The following CDKN2B variants were observed in gnomAD, a reference collection of about 807,000 sequenced individuals.
The protein encoded by CDKN2B is cyclin dependent kinase inhibitor 2B, also known as cyclin-dependent kinase 4 inhibitor B.
In CDKN2B, 8 loss-of-function variants were observed where a neutral mutation model predicts 7.7. That is an observed-to-expected ratio of 1.04 (90% CI 0.61 to 1.87). The LOEUF (loss-of-function observed/expected upper bound fraction) is 1.87. Ranked by LOEUF, CDKN2B falls within the 40% of genes most tolerant of loss-of-function variation. The pLI, the probability that CDKN2B is intolerant of heterozygous loss-of-function variation, is 0.00. For synonymous variants in CDKN2B, 93 were observed against 95.8 expected (o/e 0.97, Z 0.17); for missense variants, 244 against 213.1 (o/e 1.15, Z -0.90).
Position 22,005,566 on chromosome 9 carries a change from C to T in CDKN2B, c.*421G>A. On this transcript the variant is annotated 3_prime_UTR_variant, in exon 2 of 2. Coordinates refer to ENST00000276925, the MANE Select transcript of CDKN2B (RefSeq NM_004936.4). The surrounding 1 kb of genome is among the most constrained non-coding windows in gnomAD (Gnocchi z 4.9). ...TCCTCAGCAGACATTGGAGTGAACG[C>T]ATCGACTGCCGTCACCCAAGTGCTA... 1 of 396,670 alleles carries T rather than the reference C, an allele frequency of 2.5e-6. No homozygotes were observed. 24.6% of individuals were successfully genotyped at this position (396,670 alleles called of 1,614,324 possible). A position where few individuals can be genotyped will look rare whatever the true frequency, so the allele number is the denominator to read the frequency against.
At position 22,005,107 on chromosome 9, in the gene CDKN2B, C is replaced by T. The variant is rs796372483; in HGVS notation, c.*880G>A. 132 of 200,082 alleles carry T rather than the reference C, an allele frequency of 6.6e-4. No homozygotes were observed. Among genetic ancestry groups the T allele is most frequent in the African/African-American group, 3.4e-3 (118 of 34,252 alleles). 12.4% of individuals were successfully genotyped at this position (200,082 alleles called of 1,614,324 possible). On this transcript the variant is annotated 3_prime_UTR_variant, in exon 2 of 2. Coordinates refer to ENST00000276925, the MANE Select transcript of CDKN2B (RefSeq NM_004936.4). This position sits in a 1 kb window ranked among gnomAD's most constrained non-coding sequence, Gnocchi z 4.9. Reference sequence around the variant, plus strand: ...CAAGTCATAAGGGGATTTCCGCATCCTAGCATGTGTGTGTGTGTGTGTGTG... The same window carrying T: ...CAAGTCATAAGGGGATTTCCGCATCTTAGCATGTGTGTGTGTGTGTGTGTG...
chr9:22,009,228 C>T lies in CDKN2B; in HGVS notation c.-275G>A, dbSNP rs966528213. Reference sequence around the variant, plus strand: ...GAAAAAGCGCCTAGCGCGGACGCAGCCGAGCTCAAAGCCGCTCTGGCCGCA... The same window carrying T: ...GAAAAAGCGCCTAGCGCGGACGCAGTCGAGCTCAAAGCCGCTCTGGCCGCA... On this transcript the variant is annotated 5_prime_UTR_variant, in exon 1 of 2. Transcript: ENST00000276925. The T allele has an allele frequency of 8.6e-6, 5 of 579,568 alleles. No individual in the cohort carries two copies. Among genetic ancestry groups the T allele is most frequent in the African/African-American group, 7.5e-5 (4 of 53,418 alleles). 35.9% of individuals were successfully genotyped at this position (579,568 alleles called of 1,614,324 possible).
chr9:22,006,259 A>T lies in CDKN2B; in HGVS notation c.157-12T>A. The T allele has an allele frequency of 6.2e-7, 1 of 1,602,934 alleles. No homozygotes were observed. The highest frequency in any genetic ancestry group is 8.5e-7 in the Non-Finnish European group (1 of 1,179,880). On this transcript the variant is annotated splice_polypyrimidine_tract_variant and intron_variant, in intron 1 of 1. Coordinates refer to ENST00000276925, the MANE Select transcript of CDKN2B (RefSeq NM_004936.4). This position sits in a 1 kb window ranked among gnomAD's most constrained non-coding sequence, Gnocchi z 6.4. ...CCCATCATCATGACCTGCCAGAGAGAGCAGAGTGGTCAGAGCCAGGGTGGG... is the reference window on the plus strand; with the variant it reads ...CCCATCATCATGACCTGCCAGAGAGTGCAGAGTGGTCAGAGCCAGGGTGGG...
chr9:22,008,923 C>A lies in CDKN2B; in HGVS notation c.31G>T (p.Gly11Trp). The A allele has an allele frequency of 1.2e-6, 2 of 1,612,980 alleles. No homozygotes were observed. The highest frequency in any genetic ancestry group is 1.7e-6 in the Non-Finnish European group (2 of 1,179,940). The change falls in exon 1 of 2, where the codon GGG becomes TGG. Residue 11 changes from glycine (G) to tryptophan (W), a missense_variant. Physicochemically the swap from Gly to Trp is radical, Grantham distance 184 (BLOSUM62 -2). Transcript: ENST00000276925. Reference sequence around the variant, plus strand: ...GCCAGACCCTCATCGCTGCCGCCCCCACTGGGCATGCCCTTGTTCTCCTCG... The same window carrying A: ...GCCAGACCCTCATCGCTGCCGCCCCAACTGGGCATGCCCTTGTTCTCCTCG... MREENKGMPS[G>W]GGSDEGLASA...
At position 22,008,936 on chromosome 9, in the gene CDKN2B, C is replaced by T. The variant is rs1361379009; in HGVS notation, c.18G>A (p.Lys6=). The T allele has an allele frequency of 6.2e-7, 1 of 1,613,026 alleles. No homozygotes were observed. Among genetic ancestry groups the T allele is most frequent in the African/African-American group, 1.3e-5 (1 of 75,070 alleles). The part of the protein sequence containing the change: MREEN[K]GMPSGGGSDE... ...CGCTGCCGCCCCCACTGGGCATGCCCTTGTTCTCCTCGCGCATTCCGCAGC... is the reference window on the plus strand; with the variant it reads ...CGCTGCCGCCCCCACTGGGCATGCCTTTGTTCTCCTCGCGCATTCCGCAGC... Residue 6 remains lysine (K), a synonymous_variant, in exon 1 of 2, where the codon AAG becomes AAA. Transcript: ENST00000276925.
chr9:22,006,364 G>T lies in CDKN2B; in HGVS notation c.157-117C>A. 1 of 1,376,358 alleles carries T rather than the reference G, an allele frequency of 7.3e-7. No individual in the cohort carries two copies. Among genetic ancestry groups the T allele is most frequent in the Non-Finnish European group, 1.0e-6 (1 of 1,001,122 alleles). 85.3% of individuals were successfully genotyped at this position (1,376,358 alleles called of 1,614,324 possible). A position where few individuals can be genotyped will look rare whatever the true frequency, so the allele number is the denominator to read the frequency against. ...CACCTAATTGCAAAGTTTTCACCCA[G>T]TGCAGAGGTGTTCAGGTCTCTGATG... is the stretch of plus-strand genomic sequence containing the variant. On this transcript the variant is annotated intron_variant, in intron 1 of 1. Coordinates refer to ENST00000276925, the MANE Select transcript of CDKN2B (RefSeq NM_004936.4). This position sits in a 1 kb window ranked among gnomAD's most constrained non-coding sequence, Gnocchi z 6.4.
In CDKN2B at chr9:22,006,223, C is replaced by G. The variant is rs752675430; in HGVS notation, c.181G>C (p.Val61Leu). ...IQVMMMGSAR[V>L]AELLLLHGAE... The stretch of plus-strand genomic sequence containing the variant: ...CCGTGGAGCAGCAGCAGCTCCGCCA[C>G]GCGGGCGCTGCCCATCATCATGACC... Residue 61 changes from valine to leucine, a missense_variant, in exon 2 of 2, where the codon GTG becomes CTG. Coordinates refer to ENST00000276925, the MANE Select transcript of CDKN2B (RefSeq NM_004936.4). This position sits in a 1 kb window ranked among gnomAD's most constrained non-coding sequence, Gnocchi z 6.4. 2 of 1,606,946 alleles carry G rather than the reference C, an allele frequency of 1.2e-6. No individual in the cohort carries two copies. The highest frequency in any genetic ancestry group is 4.5e-5 in the East Asian group (2 of 44,872).
At chr9:22,008,738 C>T (rs767817760) in intron 1 of CDKN2B, 60 bp downstream of exon 1, 1 of 1,610,794 alleles carries the variant, frequency 6.2e-7, no homozygotes, top group Admixed American at 1.7e-5. Flanking sequence ...CCCCGATCCG[C>T]CGAGGCCGCG....
rs1821062683 is a variant in CDKN2B, at chr9:22,004,304, A to G, written c.*1683T>C. On this transcript the variant is annotated 3_prime_UTR_variant, in exon 2 of 2. Transcript: ENST00000276925. Reference sequence around the variant, plus strand: ...TCCTTCTTATAAGTCTCCACTCTCAAATGACTTGTTTCTGTTCCTTTTTTC... The same window carrying G: ...TCCTTCTTATAAGTCTCCACTCTCAGATGACTTGTTTCTGTTCCTTTTTTC... 8.6e-6 allele frequency: 2 copies of G among 232,252 alleles called. No homozygotes were observed. Among genetic ancestry groups the G allele is most frequent in the African/African-American group, 4.4e-5 (2 of 45,310 alleles). The allele number at this position is 232,252 out of a possible 1,614,324, so 14.4% of individuals were successfully genotyped here. A position where few individuals can be genotyped will look rare whatever the true frequency, so the allele number is the denominator to read the frequency against.
In CDKN2B at chr9:22,005,113, T is replaced by TGG. The variant is rs1821101078; in HGVS notation, c.*873_*874insCC. The TGG allele has an allele frequency of 1.8e-5, 1 of 55,328 alleles. No individual in the cohort carries two copies. The highest frequency in any genetic ancestry group is 2.5e-4 in the African/African-American group (1 of 3,932). The allele number at this position is 55,328 out of a possible 1,614,324, so 3.4% of individuals were successfully genotyped here. A position where few individuals can be genotyped will look rare whatever the true frequency, so the allele number is the denominator to read the frequency against. Reference sequence around the variant, plus strand: ...ATAAGGGGATTTCCGCATCCTAGCATGTGTGTGTGTGTGTGTGTGTGTGTG... The same window carrying TGG: ...ATAAGGGGATTTCCGCATCCTAGCATGGGTGTGTGTGTGTGTGTGTGTGTGTG... On this transcript the variant is annotated 3_prime_UTR_variant, in exon 2 of 2. Transcript: ENST00000276925. The surrounding 1 kb of genome is among the most constrained non-coding windows in gnomAD (Gnocchi z 4.9).
At position 22,006,272 on chromosome 9, in the gene CDKN2B, G is replaced by T; in HGVS notation, c.157-25C>A. The T allele has an allele frequency of 6.2e-7, 1 of 1,601,108 alleles. No individual in the cohort carries two copies. Among genetic ancestry groups the T allele is most frequent in the Non-Finnish European group, 8.5e-7 (1 of 1,179,838 alleles). The stretch of plus-strand genomic sequence containing the variant: ...CCTGCCAGAGAGAGCAGAGTGGTCA[G>T]AGCCAGGGTGGGGGCAGGTATGGGA... On this transcript the variant is annotated intron_variant, in intron 1 of 1. Transcript: ENST00000276925. This position sits in a 1 kb window ranked among gnomAD's most constrained non-coding sequence, Gnocchi z 6.4.
chr9:22,007,265 G>C (rs887437809), intron 1 of CDKN2B, among the ~76,000 whole-genome samples: 2 of 152,186 alleles, frequency 1.3e-5, no homozygotes, highest in Non-Finnish European at 2.9e-5. Flanking sequence ...AGGAGGCTGA[G>C]GCAGGAGAAT....
rs946682347 is a variant in CDKN2B, at chr9:22,004,494, T to C, written c.*1493A>G. On this transcript the variant is annotated 3_prime_UTR_variant, in exon 2 of 2. Coordinates refer to ENST00000276925, the MANE Select transcript of CDKN2B (RefSeq NM_004936.4). ...AGAGAAGGGAACCCCTGTGAACCTT[T>C]AACATTTCTCAGGAGTTAGTGGTAA... 8.6e-6 allele frequency: 2 copies of C among 232,592 alleles called. No individual in the cohort carries two copies. Among genetic ancestry groups the C allele is most frequent in the African/African-American group, 4.4e-5 (2 of 45,338 alleles). 14.4% of individuals were successfully genotyped at this position (232,592 alleles called of 1,614,324 possible). A position where few individuals can be genotyped will look rare whatever the true frequency, so the allele number is the denominator to read the frequency against.
At chr9:22,007,362 A>AAAAT (rs1187656074) in intron 1 of CDKN2B, among the ~76,000 whole-genome samples, 1 of 152,132 alleles carries the variant, frequency 6.6e-6, no homozygotes, top group Non-Finnish European at 1.5e-5. Context: ...TCATCTCAAA[A>AAAAT]AAAATAAAAT....
Position 22,005,475 on chromosome 9 carries a change from A to G in CDKN2B, c.*512T>C. The G allele has an allele frequency of 3.8e-6, 1 of 261,842 alleles. No individual in the cohort carries two copies. The highest frequency in any genetic ancestry group is 5.5e-5 in the East Asian group (1 of 18,228). 16.2% of individuals were successfully genotyped at this position (261,842 alleles called of 1,614,324 possible). ...CTGAAGCCCACCTCGGCCCTCCTCC[A>G]CTTTGTCCTCAGTCTTCAGGTTTTC... On this transcript the variant is annotated 3_prime_UTR_variant, in exon 2 of 2. Coordinates refer to ENST00000276925, the MANE Select transcript of CDKN2B (RefSeq NM_004936.4). This position sits in a 1 kb window ranked among gnomAD's most constrained non-coding sequence, Gnocchi z 4.9.
Position 22,008,806 on chromosome 9 carries a change from C to G in CDKN2B, c.148G>C (p.Ala50Pro). 1 of 1,604,776 alleles carries G rather than the reference C, an allele frequency of 6.2e-7. No homozygotes were observed. The highest frequency in any genetic ancestry group is 1.1e-5 in the South Asian group (1 of 90,444). ...PNGVNRFGRRAIQVMMMGSAR... is the reference protein window; with the variant it reads ...PNGVNRFGRRPIQVMMMGSAR... ...CCTGGGGCCCCAGCTACCTGGATCG[C>G]GCGCCTCCCGAAACGGTTGACTCCG... The change falls in exon 1 of 2, where the codon GCG (alanine) becomes CCG (proline). Residue 50 changes from alanine (A) to proline (P), a missense_variant. Ala to Pro is a conservative substitution (Grantham distance 27). Coordinates refer to ENST00000276925, the MANE Select transcript of CDKN2B (RefSeq NM_004936.4).
chr9:22,009,279 C>A lies in CDKN2B; in HGVS notation c.-326G>T. 2.0e-6 allele frequency: 1 copy of A among 497,212 alleles called. No homozygotes were observed. The highest frequency in any genetic ancestry group is 3.6e-6 in the Non-Finnish European group (1 of 277,210). 30.8% of individuals were successfully genotyped at this position (497,212 alleles called of 1,614,324 possible). On this transcript the variant is annotated 5_prime_UTR_variant, in exon 1 of 2. Transcript: ENST00000276925. The stretch of plus-strand genomic sequence containing the variant: ...GGGTGCGGACGCGTCGCGGAGTCCT[C>A]ACTGCCCCGCCTCGCTCTGGCAGAG...
At position 22,004,726 on chromosome 9, in the gene CDKN2B, T is replaced by C. The variant is rs1821081114; in HGVS notation, c.*1261A>G. 8.6e-6 allele frequency: 2 copies of C among 233,002 alleles called. No homozygotes were observed. The highest frequency in any genetic ancestry group is 1.1e-4 in the Admixed American group (2 of 17,798). 14.4% of individuals were successfully genotyped at this position (233,002 alleles called of 1,614,324 possible). On this transcript the variant is annotated 3_prime_UTR_variant, in exon 2 of 2. Coordinates refer to ENST00000276925, the MANE Select transcript of CDKN2B (RefSeq NM_004936.4). The stretch of plus-strand genomic sequence containing the variant: ...GCCATCATATATTTTCAAGTTTTTA[T>C]ACTCAATCTACTTTTTCAGCAATCT...
intron 1 of CDKN2B, among the ~76,000 whole-genome samples, chr9:22,007,435 A>G (rs1490525100): frequency 6.6e-6 from 1 of 152,214 alleles, no homozygotes; most frequent in Non-Finnish European, 1.5e-5. Flanking sequence ...TAACTTAGAA[A>G]AAATGATGTT....
Sources: gnomAD v4.1 joint callset for allele counts (sites outside exome capture counted in the v4.1 genomes callset) on GRCh38, gnomAD v4.1.1 for gene constraint, Gnocchi (gnomAD v3.1) non-coding constraint, MANE v1.5 for transcripts, NCBI Gene and HGNC (gene_info 2026-07-23, HGNC 2026-07-21) for gene names.